CACNG2: variants seen among roughly 807,000 people sequenced by gnomAD.
CACNG2 encodes the protein voltage-dependent calcium channel gamma-2 subunit.
CACNG2 carries 3 observed loss-of-function variants against 25.9 expected under a neutral mutation model. The ratio of observed to expected loss-of-function variants is 0.12; its 90% CI spans 0.05 to 0.30. The LOEUF (loss-of-function observed/expected upper bound fraction) is 0.30. Among genes scored for constraint, CACNG2 ranks in the 10% least tolerant of loss-of-function variants. The pLI is 1.00. For synonymous variants in CACNG2, 167 were observed against 173.3 expected, an observed-to-expected ratio of 0.96 and a Z score of 0.29; for missense variants, 341 against 432.5, an observed-to-expected ratio of 0.79 and a Z score of 1.88.
chr22:36,648,422 T>C (rs959009491), intron 1 of CACNG2, among the ~76,000 whole-genome samples: 5 of 152,164 alleles, frequency 3.3e-5, no homozygotes, highest in Non-Finnish European at 5.9e-5. Context: ...TAACACGAAA[T>C]AAACGACCCT....
intron 1 of CACNG2, among the ~76,000 whole-genome samples, chr22:36,692,230 C>A (rs1410137729): frequency 6.6e-6 from 1 of 152,282 alleles, no homozygotes; most frequent in African/African-American, 2.4e-5. Context: ...CTCCAGCAAC[C>A]ATGCACCTGG....
intron 2 of CACNG2, among the ~76,000 whole-genome samples, 163 bp from the exon 3 acceptor site, chr22:36,566,656 G>A (rs535336454): frequency 1.3e-5 from 2 of 152,266 alleles, no homozygotes; most frequent in Non-Finnish European, 2.9e-5. Flanking sequence ...CAGCGAGCAG[G>A]CCACTGCCCA....
intron 2 of CACNG2, among the ~76,000 whole-genome samples, chr22:36,577,476 C>G (rs1935340431): frequency 6.6e-6 from 1 of 151,736 alleles, no homozygotes; most frequent in African/African-American, 2.4e-5. Context: ...ATGGTGAAAC[C>G]CGGTCTCTAC....
chr22:36,689,950 A>C (rs925441369), intron 1 of CACNG2, among the ~76,000 whole-genome samples: 9 of 152,244 alleles, frequency 5.9e-5, no homozygotes, highest in Non-Finnish European at 1.2e-4. Context: ...GGAGTAGATG[A>C]GGCTAGCCTT....
intron 1 of CACNG2, among the ~76,000 whole-genome samples, chr22:36,630,384 G>A (rs1936250018): frequency 6.6e-6 from 1 of 152,132 alleles, no homozygotes; most frequent in Non-Finnish European, 1.5e-5. Flanking sequence ...AAGGGAAGAG[G>A]AATCAAGGAT....
intron 1 of CACNG2, among the ~76,000 whole-genome samples, chr22:36,591,970 AGC>A (rs1449767330): frequency 2.6e-5 from 4 of 152,094 alleles, no homozygotes; most frequent in Non-Finnish European, 5.9e-5. Flanking sequence ...GGGGAAGGGA[AGC>A]GAGAGTGGGA....
intron 1 of CACNG2, among the ~76,000 whole-genome samples, chr22:36,661,302 G>A (rs6519024): frequency 0.1 from 15,744 of 152,222 alleles, 2,704 homozygotes; most frequent in African/African-American, 0.36. Flanking sequence ...TCCTGAGATC[G>A]CATGTTAGAT....
At chr22:36,696,906 C>T (rs1937349308) in intron 1 of CACNG2, among the ~76,000 whole-genome samples, 1 of 152,052 alleles carries the variant, frequency 6.6e-6, no homozygotes. Context: ...AGTAACTTGC[C>T]CCAGATCACA....
chr22:36,566,210 T>C, intron 3 of CACNG2, 143 bp downstream of exon 3: 2 of 830,024 alleles, frequency 2.4e-6, no homozygotes, highest in Non-Finnish European at 3.9e-6. Context: ...CCCACCACCT[T>C]CCTCCCCTGC....
At chr22:36,694,328 C>T (rs1937305352) in intron 1 of CACNG2, among the ~76,000 whole-genome samples, 2 of 152,160 alleles carry the variant, frequency 1.3e-5, no homozygotes, top group Non-Finnish European at 2.9e-5. Context: ...TTAGCGGTGT[C>T]TTAGAACTGA....
intron 1 of CACNG2, among the ~76,000 whole-genome samples, chr22:36,591,597 C>T (rs1034551969): frequency 6.6e-6 from 1 of 152,088 alleles, no homozygotes; most frequent in African/African-American, 2.4e-5. Context: ...CCCTTGAACC[C>T]AGGTGTTCGA....
At chr22:36,632,992 T>C (rs543951064) in intron 1 of CACNG2, among the ~76,000 whole-genome samples, 2 of 152,206 alleles carry the variant, frequency 1.3e-5, no homozygotes, top group Non-Finnish European at 2.9e-5. Context: ...TTGCTGTTTC[T>C]GGAAGACGCC....
chr22:36,608,861 C>T (rs895708766), intron 1 of CACNG2, among the ~76,000 whole-genome samples: 1 of 152,136 alleles, frequency 6.6e-6, no homozygotes, highest in Non-Finnish European at 1.5e-5. Context: ...TTGAACAGTA[C>T]ATGCAGTGAG....
intron 1 of CACNG2, among the ~76,000 whole-genome samples, chr22:36,665,107 A>C (rs781100307): frequency 6.6e-6 from 1 of 152,172 alleles, no homozygotes; most frequent in Non-Finnish European, 1.5e-5. Flanking sequence ...AGACTTGGGC[A>C]GCCTGTAGGA....
At chr22:36,622,207 C>T (rs1936115982) in intron 1 of CACNG2, among the ~76,000 whole-genome samples, 1 of 152,228 alleles carries the variant, frequency 6.6e-6, no homozygotes, top group African/African-American at 2.4e-5. Flanking sequence ...TCCTGAGCCC[C>T]CAACTATGTG....
chr22:36,649,346 C>T (rs572404838), intron 1 of CACNG2, among the ~76,000 whole-genome samples: 45 of 152,188 alleles, frequency 3.0e-4, no homozygotes, highest in African/African-American at 8.2e-4. Flanking sequence ...GGCTGGAGTA[C>T]GGCGGTGTGA....
chr22:36,566,834 A>G (rs1448461323), intron 2 of CACNG2, among the ~76,000 whole-genome samples: 1 of 152,164 alleles, frequency 6.6e-6, no homozygotes, highest in East Asian at 1.9e-4. Flanking sequence ...ACGACATGTC[A>G]TTTCATGCTG....
At chr22:36,577,820 ATAGTTT>A (rs1457234218) in intron 2 of CACNG2, among the ~76,000 whole-genome samples, 1 of 152,066 alleles carries the variant, frequency 6.6e-6, no homozygotes, top group Non-Finnish European at 1.5e-5. Context: ...TGGGGTCACA[ATAGTTT>A]TAGCCGCACT....
chr22:36,571,067 T>C (rs895514215), intron 2 of CACNG2, among the ~76,000 whole-genome samples: 2 of 152,040 alleles, frequency 1.3e-5, no homozygotes, highest in East Asian at 3.9e-4. Context: ...TCCTGTGAAA[T>C]GGGAATAGTA....
Sources: allele counts gnomAD v4.1 joint callset (sites outside exome capture counted in the v4.1 genomes callset), GRCh38; gene constraint gnomAD v4.1.1; transcripts MANE v1.5; gene names NCBI Gene and HGNC (gene_info 2026-07-23, HGNC 2026-07-21).